The following LAMA2 variants were observed in gnomAD, a reference collection of about 807,000 sequenced individuals.
LAMA2 encodes the protein laminin subunit alpha 2.
LAMA2 carries 269 observed loss-of-function variants against 364.8 expected under a neutral mutation model. The ratio of observed to expected loss-of-function variants is 0.74; its 90% CI spans 0.67 to 0.82. The LOEUF (loss-of-function observed/expected upper bound fraction) is 0.82. LAMA2 is among the 40% of genes least tolerant of loss of function. LAMA2 has a pLI of 0.00. For synonymous variants in LAMA2, 1,379 were observed against 1,370.6 expected, an observed-to-expected ratio of 1.01 and a Z score of -0.14; for missense variants, 3,807 against 3,873.2, an observed-to-expected ratio of 0.98 and a Z score of 0.45.
intron 12 of LAMA2, among the ~76,000 whole-genome samples, chr6:129,213,456 A>G (rs866819014): frequency 3.3e-5 from 5 of 152,216 alleles, no homozygotes; most frequent in Admixed American, 6.5e-5. Context: ...CTGCCAAACT[A>G]TCTTCCAATA....
At chr6:128,961,864 T>C (rs1781542698) in intron 1 of LAMA2, among the ~76,000 whole-genome samples, 1 of 151,892 alleles carries the variant, frequency 6.6e-6, no homozygotes, top group African/African-American at 2.4e-5. Context: ...TAACGAGGTT[T>C]ATAGGGTTGG....
intron 29 of LAMA2, among the ~76,000 whole-genome samples, chr6:129,336,411 A>G (rs1314467122): frequency 6.6e-6 from 1 of 152,244 alleles, no homozygotes; most frequent in Non-Finnish European, 1.5e-5. Context: ...TATCAAGTTT[A>G]TCAGACAATG....
At chr6:129,077,320 G>A (rs960691980) in intron 3 of LAMA2, among the ~76,000 whole-genome samples, 2 of 152,060 alleles carry the variant, frequency 1.3e-5, no homozygotes, top group Non-Finnish European at 2.9e-5. Context: ...TTAAGAAATG[G>A]AGTGGGCAAG....
intron 28 of LAMA2, among the ~76,000 whole-genome samples, chr6:129,323,420 G>T (rs1233931651): frequency 6.6e-6 from 1 of 152,138 alleles, no homozygotes; most frequent in East Asian, 1.9e-4. Context: ...ATAGCCAGTT[G>T]TAAAGACTCT....
chr6:128,912,799 G>T (rs1778062431), intron 1 of LAMA2, among the ~76,000 whole-genome samples: 1 of 152,140 alleles, frequency 6.6e-6, no homozygotes, highest in South Asian at 2.1e-4. Context: ...TTACATTCTG[G>T]GGAAGTAGAA....
intron 2 of LAMA2, among the ~76,000 whole-genome samples, chr6:129,051,158 TCTC>T (rs945124864): frequency 4.0e-5 from 6 of 148,646 alleles, no homozygotes; most frequent in South Asian, 2.1e-4. Context: ...CTTCTTCTCT[TCTC>T]CTCGCTTACC....
chr6:129,230,256 G>A (rs376606277), intron 12 of LAMA2, among the ~76,000 whole-genome samples: 31 of 152,276 alleles, frequency 2.0e-4, no homozygotes, highest in African/African-American at 7.2e-4. Flanking sequence ...AACTTTGTCA[G>A]ATACTGTTGA....
At chr6:128,927,411 T>C (rs1772723169) in intron 1 of LAMA2, among the ~76,000 whole-genome samples, 1 of 152,220 alleles carries the variant, frequency 6.6e-6, no homozygotes, top group Admixed American at 6.5e-5. Flanking sequence ...TTTTTCAGTC[T>C]CATCTAGGCA....
rs763410003 is a variant in LAMA2 at position 129,297,838 on chromosome 6, T to C, written c.3010T>C (p.Phe1004Leu). 51 of 1,613,898 alleles carry C rather than the reference T, an allele frequency of 3.2e-5. No homozygotes were observed. Among genetic ancestry groups the C allele is most frequent in the Non-Finnish European group, 4.2e-5 (50 of 1,179,930 alleles). Residue 1004 changes from phenylalanine (F) to leucine (L), a missense_variant, in exon 21 of 65, where the codon TTC becomes CTC. This residue lies in a region of LAMA2 where 3,333 missense variants were observed against 3,345.7 expected (regional missense o/e 1.00). Transcript: ENST00000421865. ...KKCDRCAHGYFNFQEGGCTAC... is the reference protein window; with the variant it reads ...KKCDRCAHGYLNFQEGGCTAC... ...ATGTGACCGCTGTGCCCACGGCTAT[T>C]TCAACTTCCAAGAAGGAGGCTGCAC...
At chr6:128,964,834 G>A (rs1026955194) in intron 1 of LAMA2, among the ~76,000 whole-genome samples, 4 of 152,012 alleles carry the variant, frequency 2.6e-5, no homozygotes, top group Non-Finnish European at 5.9e-5. Flanking sequence ...TTGGGAAATT[G>A]AATATATGTC....
chr6:129,160,901 A>G (rs1036676050), intron 8 of LAMA2, among the ~76,000 whole-genome samples: 4 of 152,006 alleles, frequency 2.6e-5, no homozygotes, highest in African/African-American at 4.8e-5. Flanking sequence ...ACTCTCTAAG[A>G]TGTCAAACTT....
intron 1 of LAMA2, among the ~76,000 whole-genome samples, chr6:128,972,900 A>G (rs559118571): frequency 5.9e-5 from 9 of 152,154 alleles, no homozygotes; most frequent in Admixed American, 1.3e-4. Context: ...TATTCTTTGA[A>G]AAATATTGAG....
In LAMA2 at chr6:129,492,350, A is replaced by T; in HGVS notation, c.8111A>T (p.Asn2704Ile). Reference protein sequence around the residue: ...MDFARPVSFKNADIGRCAHQK... With the variant: ...MDFARPVSFKIADIGRCAHQK... ...TTTGCAAGGCCTGTGTCCTTCAAAA[A>T]TGCTGACATTGGTCGCTGTGCCCAT... The change falls in exon 58 of 65, where the codon AAT (asparagine) becomes ATT (isoleucine). Residue 2704 changes from asparagine (N) to isoleucine (I), a missense_variant. Transcript: ENST00000421865. 6.2e-7 allele frequency: 1 copy of T among 1,614,198 alleles called. No individual in the cohort carries two copies. Among genetic ancestry groups the T allele is most frequent in the South Asian group, 1.1e-5 (1 of 91,086 alleles).
At chr6:129,372,865 C>A (rs1435340130) in intron 34 of LAMA2, among the ~76,000 whole-genome samples, 1 of 152,018 alleles carries the variant, frequency 6.6e-6, no homozygotes, top group Non-Finnish European at 1.5e-5. Context: ...GTATCTCATT[C>A]TTGTTTTAGT....
At chr6:129,044,462 A>AT (rs1440534993) in intron 1 of LAMA2, among the ~76,000 whole-genome samples, 2 of 151,818 alleles carry the variant, frequency 1.3e-5, no homozygotes, top group Non-Finnish European at 1.5e-5. Flanking sequence ...AAGTTAGGTG[A>AT]TTTTTTTCAA....
intron 61 of LAMA2, among the ~76,000 whole-genome samples, chr6:129,507,205 T>C (rs994794416): frequency 3.3e-5 from 5 of 151,888 alleles, no homozygotes; most frequent in Admixed American, 6.6e-5. Context: ...ATGGGGCCCA[T>C]AGCTCTGTCA....
chr6:129,190,047 T>C (rs1781439181), intron 10 of LAMA2, among the ~76,000 whole-genome samples, 158 bp from the exon 11 acceptor site: 2 of 152,180 alleles, frequency 1.3e-5, no homozygotes, highest in South Asian at 4.1e-4. Context: ...GCTTAACACA[T>C]AGCTTTTGAG....
chr6:129,193,361 C>T (rs527807661), intron 12 of LAMA2, among the ~76,000 whole-genome samples: 345 of 152,280 alleles, frequency 2.3e-3, no homozygotes, highest in African/African-American at 7.8e-3. Flanking sequence ...ATGTAAACAA[C>T]ATATTTGCTG....
intron 9 of LAMA2, among the ~76,000 whole-genome samples, chr6:129,176,768 T>C (rs1368214386): frequency 1.3e-5 from 2 of 152,142 alleles, no homozygotes; most frequent in Non-Finnish European, 2.9e-5. Flanking sequence ...CACATTCATT[T>C]TCTTTTACTT....
Sources: allele counts gnomAD v4.1 joint callset (sites outside exome capture counted in the v4.1 genomes callset), GRCh38; gene constraint gnomAD v4.1.1; regional missense constraint gnomAD v4.1.1; transcripts MANE v1.5; gene names NCBI Gene and HGNC (gene_info 2026-07-23, HGNC 2026-07-21).